The following TNRC6A variants were observed in gnomAD, a reference collection of about 807,000 sequenced individuals.
TNRC6A encodes trinucleotide repeat containing adaptor 6A.
In TNRC6A, 44 loss-of-function variants were observed where a neutral mutation model predicts 221.2. The observed-to-expected ratio is 0.20, with a 90% confidence interval of 0.16 to 0.26. The LOEUF (loss-of-function observed/expected upper bound fraction) is 0.26. TNRC6A is among the 10% of genes least tolerant of loss of function. The pLI, the probability that TNRC6A is intolerant of heterozygous loss-of-function variation, is 1.00. For synonymous variants in TNRC6A, 847 were observed against 838.5 expected, an observed-to-expected ratio of 1.01 and a Z score of -0.18; for missense variants, 2,199 against 2,404.4, an observed-to-expected ratio of 0.91 and a Z score of 1.79.
At chr16:24,729,952 C>T (rs959925453) in intron 1 of TNRC6A, 106 bp downstream of exon 1, 9 of 1,039,582 alleles carry the variant, frequency 8.7e-6, no homozygotes, top group African/African-American at 6.8e-5. Context: ...CGGGCGTCCC[C>T]GAGACTTCGG....
chr16:24,682,216 G>A (rs1231756357), intron 2 of TNRC6A, among the ~76,000 whole-genome samples: 2 of 149,044 alleles, frequency 1.3e-5, no homozygotes, highest in African/African-American at 2.5e-5. Context: ...GGTCATGAAA[G>A]GAGGACTTGT....
chr16:24,736,627 ATTAGGTT>A (rs2056774185), intron 2 of TNRC6A, among the ~76,000 whole-genome samples: 1 of 152,130 alleles, frequency 6.6e-6, no homozygotes, highest in African/African-American at 2.4e-5. Flanking sequence ...TGTCTGTATG[ATTAGGTT>A]CAGGTTGACC....
intron 1 of TNRC6A, among the ~76,000 whole-genome samples, chr16:24,618,614 A>C (rs1388175793): frequency 7.0e-6 from 1 of 143,598 alleles, no homozygotes; most frequent in East Asian, 2.0e-4. Context: ...TATTCCTTAT[A>C]TCATTCCTTT....
rs1159989938 is a variant in TNRC6A at position 24,820,311 on chromosome 16, C to T, written c.5253C>T (p.Pro1751=). ...KPPLSTWDNS[P]LRIGGGWGNS... is the part of the protein sequence containing the mutation. ...CCTTGTCTACGTGGGATAATTCTCCCCTTCGTATAGGTGGAGGATGGGGAA... is the reference window on the plus strand; with the variant it reads ...CCTTGTCTACGTGGGATAATTCTCCTCTTCGTATAGGTGGAGGATGGGGAA... The change falls in exon 22 of 25, where the codon CCC becomes CCT. Residue 1751 remains proline (P), a synonymous_variant. Transcript: ENST00000395799. 1.2e-6 allele frequency: 2 copies of T among 1,614,048 alleles called. No homozygotes were observed. The highest frequency in any genetic ancestry group is 1.7e-6 in the Non-Finnish European group (2 of 1,180,044).
chr16:24,696,745 A>AAAAAAAAAAAT (rs2055871749), intron 2 of TNRC6A, among the ~76,000 whole-genome samples: 1 of 139,128 alleles, frequency 7.2e-6, no homozygotes, highest in African/African-American at 2.6e-5. Flanking sequence ...AAAAAAAAAA[A>AAAAAAAAAAAT]GAAAGGAAAG....
At chr16:24,767,913 C>CT (rs2057507771) in intron 4 of TNRC6A, among the ~76,000 whole-genome samples, 1 of 152,134 alleles carries the variant, frequency 6.6e-6, no homozygotes, top group African/African-American at 2.4e-5. Flanking sequence ...CTGAAGCTCT[C>CT]TAGAGATTGC....
chr16:24,747,629 GTGT>G lies in TNRC6A; in HGVS notation c.54-3086_54-3084del, dbSNP rs200146896. 5.5e-3 allele frequency among the ~76,000 whole-genome samples: 844 copies of G among 152,282 alleles called. 9 individuals are homozygous for G. The highest frequency in any genetic ancestry group is 0.017 in the African/African-American group (727 of 41,556). On this transcript the variant is annotated intron_variant, in intron 2 of 24. Transcript: ENST00000395799. Reference sequence around the variant, plus strand: ...TGGAAGCTGACGTGTTTGGGCACAGGTGTTGTTGTTGTTTTTCCAGTTGGCTTT... The same window carrying G: ...TGGAAGCTGACGTGTTTGGGCACAGGTGTTGTTGTTTTTCCAGTTGGCTTT...
At chr16:24,644,950 C>G (rs930549158) in intron 2 of TNRC6A, among the ~76,000 whole-genome samples, 2 of 152,176 alleles carry the variant, frequency 1.3e-5, no homozygotes, top group African/African-American at 4.8e-5. Context: ...TTCCTTACTT[C>G]CTGTTGTTAT....
intron 1 of TNRC6A, among the ~76,000 whole-genome samples, chr16:24,628,446 G>T (rs982334511): frequency 6.6e-6 from 1 of 151,628 alleles, no homozygotes; most frequent in East Asian, 1.9e-4. Flanking sequence ...AAAAAAAAAA[G>T]TTATACCAAG....
intron 5 of TNRC6A, among the ~76,000 whole-genome samples, chr16:24,784,523 A>C (rs2151812159): frequency 6.6e-6 from 1 of 152,196 alleles, no homozygotes. Flanking sequence ...GGGGTGTTGC[A>C]GGGTTGCCCA....
Position 24,797,857 on chromosome 16 carries a change from T to G in TNRC6A, c.3643-58T>G, listed in dbSNP as rs184106240. On this transcript the variant is annotated intron_variant, in intron 10 of 24. Transcript: ENST00000395799. Reference sequence around the variant, plus strand: ...GAAACACAGTAAAATTCTTCATTTTTTATTTGTTTTCATTGATAAATTAAG... The same window carrying G: ...GAAACACAGTAAAATTCTTCATTTTGTATTTGTTTTCATTGATAAATTAAG... 96 of 1,469,344 alleles carry G rather than the reference T, an allele frequency of 6.5e-5. No individual in the cohort carries two copies. The East Asian group carries it at 2.2e-3, about 33-fold the overall frequency. The allele number at this position is 1,469,344 out of a possible 1,614,324, so 91.0% of individuals were successfully genotyped here.
At chr16:24,628,445 AG>A (rs2141658673) in intron 1 of TNRC6A, among the ~76,000 whole-genome samples, 1 of 151,998 alleles carries the variant, frequency 6.6e-6, no homozygotes, top group South Asian at 2.1e-4. Flanking sequence ...GAAAAAAAAA[AG>A]TTATACCAAG....
intron 2 of TNRC6A, among the ~76,000 whole-genome samples, chr16:24,661,183 A>C (rs891279639): frequency 8.5e-5 from 13 of 152,062 alleles, no homozygotes; most frequent in Non-Finnish European, 1.6e-4. Context: ...CTGTCAAAGG[A>C]GGAGTGTACA....
In TNRC6A at chr16:24,791,484, A is replaced by G. The variant is rs1307427905; in HGVS notation, c.2842A>G (p.Lys948Glu). 1 of 1,531,344 alleles carries G rather than the reference A, an allele frequency of 6.5e-7. No homozygotes were observed. 94.9% of individuals were successfully genotyped at this position (1,531,344 alleles called of 1,614,324 possible). ...GCCAGTCAGCTCTCCAGACTGGAAC[A>G]AGCAACAAGACATTGTTGGATCTTG... ...SKPVSSPDWN[K>E]QQDIVGSWGI... The change falls in exon 6 of 25, where the codon AAG (lysine) becomes GAG (glutamate). Residue 948 changes from lysine (K) to glutamate (E), a missense_variant. Coordinates refer to ENST00000395799, the MANE Select transcript of TNRC6A (RefSeq NM_014494.4).
intron 2 of TNRC6A, among the ~76,000 whole-genome samples, chr16:24,732,761 G>T (rs1161198291): frequency 6.6e-6 from 1 of 152,158 alleles, no homozygotes; most frequent in East Asian, 1.9e-4. Context: ...AGCATCCGCA[G>T]TAGCACTCCC....
chr16:24,805,496 T>G, intron 14 of TNRC6A, 109 bp from the exon 15 acceptor site: 1 of 1,444,918 alleles, frequency 6.9e-7, no homozygotes, highest in Non-Finnish European at 9.4e-7. Context: ...TAACCCCCAA[T>G]GAATAGTCCA....
At chr16:24,640,267 G>A (rs1023652412) in intron 1 of TNRC6A, among the ~76,000 whole-genome samples, 2 of 152,082 alleles carry the variant, frequency 1.3e-5, no homozygotes, top group Non-Finnish European at 2.9e-5. Flanking sequence ...GGGCATGGTG[G>A]TGTGCACTTC....
chr16:24,745,632 A>C (rs1490547329), intron 2 of TNRC6A, among the ~76,000 whole-genome samples: 1 of 152,032 alleles, frequency 6.6e-6, no homozygotes, highest in Non-Finnish European at 1.5e-5. Flanking sequence ...CTAAAGCAAA[A>C]TAGAGACACC....
At chr16:24,642,943 T>C (rs1002307444) in intron 2 of TNRC6A, among the ~76,000 whole-genome samples, 1 of 148,964 alleles carries the variant, frequency 6.7e-6, no homozygotes, top group Non-Finnish European at 1.5e-5. Context: ...ACTTGGGAGA[T>C]TGAGGTGGAA....
Sources: allele counts gnomAD v4.1 joint callset (sites outside exome capture counted in the v4.1 genomes callset), GRCh38; gene constraint gnomAD v4.1.1; transcripts MANE v1.5; gene names NCBI Gene and HGNC (gene_info 2026-07-23, HGNC 2026-07-21).